KDM4B: variants seen among roughly 807,000 people sequenced by gnomAD.
The protein encoded by KDM4B is lysine-specific demethylase 4B.
A neutral mutation model predicts 125.2 loss-of-function variants in KDM4B; 32 were observed. The ratio of observed to expected loss-of-function variants is 0.26; its 90% CI spans 0.19 to 0.34. The LOEUF (loss-of-function observed/expected upper bound fraction) is 0.34, where lower values mean the gene tolerates loss of function less well. Ranked by LOEUF, KDM4B falls within the 10% of genes least tolerant of loss-of-function variation. The pLI is 1.00. For missense variants in KDM4B, 1,190 were observed against 1,577.7 expected, an observed-to-expected ratio of 0.75 and a Z score of 4.16; for synonymous variants, 721 against 677.9, an observed-to-expected ratio of 1.06 and a Z score of -0.99.
rs771356743 is a variant in KDM4B at position 5,151,525 on chromosome 19, T to G, written c.*14T>G. 4 of 1,352,242 alleles carry G rather than the reference T, an allele frequency of 3.0e-6. No homozygotes were observed. In the East Asian group the frequency reaches 1.2e-4, roughly 41 times the overall value. 83.8% of individuals were successfully genotyped at this position (1,352,242 alleles called of 1,614,324 possible). ...GCCCCCTTCTAGGACAGCTGGCCGC[T>G]CAGGCGACCCTCAGCCCGGCGGGGA... On this transcript the variant is annotated 3_prime_UTR_variant, in exon 23 of 23. Transcript: ENST00000159111.
intron 6 of KDM4B, among the ~76,000 whole-genome samples, chr19:5,069,741 G>A (rs1321917812): frequency 6.6e-6 from 1 of 152,074 alleles, no homozygotes; most frequent in African/African-American, 2.4e-5. Context: ...AGCCTCCCGA[G>A]TAGCTGGGAT....
rs956897306 is a variant in KDM4B at position 5,142,794 on chromosome 19, G to C, written c.2551-1173G>C. On this transcript the variant is annotated intron_variant, in intron 18 of 22. Coordinates refer to ENST00000159111, the MANE Select transcript of KDM4B (RefSeq NM_015015.3). The surrounding 1 kb of genome is among the most constrained non-coding windows in gnomAD (Gnocchi z 5.4). Reference sequence around the variant, plus strand: ...ATTTACAGTTTAATAACGAGATCTCGATGCCGTCGATCGGCCCTGCTCCAG... The same window carrying C: ...ATTTACAGTTTAATAACGAGATCTCCATGCCGTCGATCGGCCCTGCTCCAG... Among the ~76,000 whole-genome samples, 1 of 149,762 alleles carries C rather than the reference G, an allele frequency of 6.7e-6. No individual in the cohort carries two copies. Among genetic ancestry groups the C allele is most frequent in the Non-Finnish European group, 1.5e-5 (1 of 67,216 alleles).
At chr19:5,129,909 C>T (rs976524880) in intron 11 of KDM4B, among the ~76,000 whole-genome samples, 2 of 152,182 alleles carry the variant, frequency 1.3e-5, no homozygotes, top group Non-Finnish European at 1.5e-5. Flanking sequence ...ACCCTGAGTG[C>T]GGCGGCCCTC....
At chr19:4,984,266 C>T (rs1219918661) in intron 1 of KDM4B, among the ~76,000 whole-genome samples, 1 of 152,194 alleles carries the variant, frequency 6.6e-6, no homozygotes, top group South Asian at 2.1e-4. Flanking sequence ...GGGCTTGTTT[C>T]TGCTCTTGAC....
At chr19:5,125,832 A>G (rs2039439814) in intron 11 of KDM4B, among the ~76,000 whole-genome samples, 1 of 125,040 alleles carries the variant, frequency 8.0e-6, no homozygotes, top group Non-Finnish European at 1.7e-5. Flanking sequence ...GACTCCTGGG[A>G]AGGACCCAAT....
chr19:5,060,728 C>G (rs990031234), intron 6 of KDM4B, among the ~76,000 whole-genome samples: 3 of 152,108 alleles, frequency 2.0e-5, no homozygotes, highest in African/African-American at 7.2e-5. Context: ...TGTCAGTGGC[C>G]CTGTGTCCCT....
At chr19:5,087,951 T>A (rs1320108983) in intron 9 of KDM4B, among the ~76,000 whole-genome samples, 1 of 151,980 alleles carries the variant, frequency 6.6e-6, no homozygotes, top group East Asian at 1.9e-4. Context: ...GCAGCACAGG[T>A]TTAAGTCTCC....
At position 4,971,185 on chromosome 19, in the gene KDM4B, C is replaced by G. The variant is rs1299660378; in HGVS notation, c.-109+1955C>G. On this transcript the variant is annotated intron_variant, in intron 1 of 22. Transcript: ENST00000159111. The surrounding 1 kb of genome is among the most constrained non-coding windows in gnomAD (Gnocchi z 4.1). ...TCCTCTTTGGGGAGGGGGCTGCTAACAAGATGTTAACTGCTGGCGCTTAAA... is the reference window on the plus strand; with the variant it reads ...TCCTCTTTGGGGAGGGGGCTGCTAAGAAGATGTTAACTGCTGGCGCTTAAA... Among the ~76,000 whole-genome samples, 1 of 152,096 alleles carries G rather than the reference C, an allele frequency of 6.6e-6. No individual in the cohort carries two copies. Among genetic ancestry groups the G allele is most frequent in the African/African-American group, 2.4e-5 (1 of 41,412 alleles).
intron 8 of KDM4B, chr19:5,077,775 G>T: frequency 2.8e-6 from 1 of 355,692 alleles, no homozygotes; most frequent in South Asian, 3.8e-5. Context: ...GGAAGGGCAG[G>T]GGCAGGCCCT....
At chr19:5,047,444 G>A (rs1284438385) in intron 5 of KDM4B, 32 bp from the exon 6 acceptor site, 1 of 1,571,276 alleles carries the variant, frequency 6.4e-7, no homozygotes, top group Non-Finnish European at 8.6e-7. Context: ...GGGTGGCCGG[G>A]CGGTTGCCGA....
intron 10 of KDM4B, chr19:5,112,245 C>T: frequency 5.9e-6 from 1 of 169,956 alleles, no homozygotes; most frequent in Non-Finnish European, 1.3e-5. Context: ...AGAGCAAGAC[C>T]TTGTCTCTCC....
At chr19:5,135,788 G>A (rs1246548476) in intron 15 of KDM4B, among the ~76,000 whole-genome samples, 1 of 152,206 alleles carries the variant, frequency 6.6e-6, no homozygotes, top group African/African-American at 2.4e-5. Context: ...AAAGGCTGTG[G>A]CCATGGAAGG....
At chr19:4,992,322 C>T (rs141104505) in intron 1 of KDM4B, among the ~76,000 whole-genome samples, 6 of 152,230 alleles carry the variant, frequency 3.9e-5, no homozygotes, top group South Asian at 2.1e-4. Context: ...CCTTAGTTTC[C>T]GTGTGCTCTT....
intron 9 of KDM4B, among the ~76,000 whole-genome samples, chr19:5,107,468 G>A (rs2039057144): frequency 6.6e-6 from 1 of 152,238 alleles, no homozygotes; most frequent in Non-Finnish European, 1.5e-5. Flanking sequence ...CAGAGAGTGG[G>A]GAGCTAGACA....
At chr19:5,098,895 C>T (rs1178958887) in intron 9 of KDM4B, among the ~76,000 whole-genome samples, 1 of 152,216 alleles carries the variant, frequency 6.6e-6, no homozygotes, top group Non-Finnish European at 1.5e-5. Flanking sequence ...TGCTTATGAG[C>T]CCCCAGCTTA....
At chr19:4,984,143 C>G (rs977574201) in intron 1 of KDM4B, among the ~76,000 whole-genome samples, 1 of 152,134 alleles carries the variant, frequency 6.6e-6, no homozygotes, top group East Asian at 1.9e-4. Flanking sequence ...CCCGGGCGGC[C>G]TCATCCCAGG....
chr19:5,120,963 G>A (rs1380123906), intron 11 of KDM4B, among the ~76,000 whole-genome samples: 4 of 152,228 alleles, frequency 2.6e-5, no homozygotes, highest in East Asian at 1.9e-4. Context: ...CCTCTGAGGT[G>A]TCAGGTCTCC....
intron 4 of KDM4B, 57 bp downstream of exon 4, chr19:5,040,068 TG>T: frequency 1.3e-6 from 2 of 1,501,430 alleles, no homozygotes; most frequent in Non-Finnish European, 9.0e-7. Context: ...CACCTGCTCA[TG>T]GGGGCCCTGG....
Position 5,135,325 on chromosome 19 carries a change from C to A in KDM4B, c.2086-14C>A. ...ACATGGCTCTGTCCCCTGAAGGTCG[C>A]CTCTCCCCTACAGGCCCTACAGACT... On this transcript the variant is annotated splice_polypyrimidine_tract_variant and intron_variant, in intron 14 of 22. Transcript: ENST00000159111. 1 of 1,582,792 alleles carries A rather than the reference C, an allele frequency of 6.3e-7. No homozygotes were observed. The highest frequency in any genetic ancestry group is 8.7e-7 in the Non-Finnish European group (1 of 1,152,874).
Sources: gnomAD v4.1 joint callset for allele counts (sites outside exome capture counted in the v4.1 genomes callset) on GRCh38, gnomAD v4.1.1 for gene constraint, Gnocchi (gnomAD v3.1) non-coding constraint, MANE v1.5 for transcripts, NCBI Gene and HGNC (gene_info 2026-07-23, HGNC 2026-07-21) for gene names.